CLU: variants seen among roughly 807,000 people sequenced by gnomAD.
CLU encodes the protein clusterin, also known as aging-associated protein 4.
A neutral mutation model predicts 46.4 loss-of-function variants in CLU; 25 were observed. The ratio of observed to expected loss-of-function variants is 0.54; its 90% confidence interval spans 0.39 to 0.75. The LOEUF (loss-of-function observed/expected upper bound fraction) is 0.75. Among genes scored for constraint, CLU ranks in the 30% least tolerant of loss-of-function variants. The pLI, the probability that CLU is intolerant of heterozygous loss-of-function variation, is 0.00. For synonymous variants in CLU, 235 were observed against 235.1 expected (o/e 1.00, Z 0.00); for missense variants, 504 against 592.1 (o/e 0.85, Z 1.54).
Position 27,605,209 on chromosome 8 carries a change from G to T in CLU, c.544C>A (p.Arg182Ser). 6.2e-7 allele frequency: 1 copy of T among 1,614,194 alleles called. No individual in the cohort carries two copies. The highest frequency in any genetic ancestry group is 8.5e-7 in the Non-Finnish European group (1 of 1,180,036). Residue 182 changes from arginine (R) to serine (S), a missense_variant, in exon 5 of 9, where the codon CGC (arginine) becomes AGC (serine). This residue lies in a region of CLU where 428 missense variants were observed against 484.0 expected (regional missense o/e 0.88). Transcript: ENST00000316403. The part of the protein sequence containing the change: ...MLDVMQDHFS[R>S]ASSIIDELFQ... ...AGCTCGTCTATGATGCTGGACGCGC[G>T]GCTGAAGTGGTCCTGCATGACATCC...
At chr8:27,614,322 G>C (rs2128911025) in intron 1 of CLU, 1 of 213,074 alleles carries the variant, frequency 4.7e-6, no homozygotes, top group South Asian at 6.4e-5. Context: ...TCACCTGCTA[G>C]CCTGGGTCTC....
intron 1 of CLU, chr8:27,614,401 C>T: frequency 3.5e-6 from 1 of 283,284 alleles, no homozygotes; most frequent in South Asian, 3.0e-5. Flanking sequence ...TATATCTGTT[C>T]TATTTACCCC....
At chr8:27,604,453 C>T in intron 5 of CLU, 58 bp from the exon 6 acceptor site, 1 of 1,263,398 alleles carries the variant, frequency 7.9e-7, no homozygotes, top group East Asian at 2.3e-5. Flanking sequence ...ATGGACTCCA[C>T]TGATTCCTAT....
rs1348029982 is a variant in CLU at position 27,598,044 on chromosome 8, C to G, written c.*197G>C. ...GAATTAGTTGCATGCAGGAGCAATTCTGTTCTTCCCATGAGCAGCAGAGTC... is the reference window on the plus strand; with the variant it reads ...GAATTAGTTGCATGCAGGAGCAATTGTGTTCTTCCCATGAGCAGCAGAGTC... On this transcript the variant is annotated 3_prime_UTR_variant, in exon 9 of 9. Coordinates refer to ENST00000316403, the MANE Select transcript of CLU (RefSeq NM_001831.4). The G allele has an allele frequency of 1.7e-5, 12 of 705,980 alleles. No homozygotes were observed. Among genetic ancestry groups the G allele is most frequent in the Non-Finnish European group, 2.6e-5 (10 of 383,964 alleles). 43.7% of individuals were successfully genotyped at this position (705,980 alleles called of 1,614,324 possible). A position where few individuals can be genotyped will look rare whatever the true frequency, so the allele number is the denominator to read the frequency against.
chr8:27,611,272 G>A (rs750908320), intron 1 of CLU: 20 of 454,410 alleles, frequency 4.4e-5, no homozygotes, highest in African/African-American at 1.8e-4. Flanking sequence ...GTGGAAGCCA[G>A]GAAGGACAAT....
chr8:27,598,096 G>A lies in CLU; in HGVS notation c.*145C>T, dbSNP rs373114324. 2.4e-5 allele frequency: 18 copies of A among 748,722 alleles called. No individual in the cohort carries two copies. Among genetic ancestry groups the A allele is most frequent in the East Asian group, 8.0e-5 (3 of 37,546 alleles). The allele number at this position is 748,722 out of a possible 1,614,324, so 46.4% of individuals were successfully genotyped here. ...AGTGTTAGAGTGCAGGATCCAGAGC[G>A]GGGAGAGGCTGGGCGGAGTTGGGGG... On this transcript the variant is annotated 3_prime_UTR_variant, in exon 9 of 9. Transcript: ENST00000316403.
intron 8 of CLU, 23 bp downstream of exon 8, chr8:27,598,437 G>A (rs765145104): frequency 8.1e-6 from 13 of 1,613,312 alleles, no homozygotes; most frequent in African/African-American, 2.7e-5. Context: ...CTGCAGGCCC[G>A]CAGGAAAGGC....
chr8:27,608,360 G>A lies in CLU; in HGVS notation c.246+578C>T, dbSNP rs9331900. 1.7e-4 allele frequency among the ~76,000 whole-genome samples: 26 copies of A among 152,334 alleles called. No individual in the cohort carries two copies. In the East Asian group the frequency reaches 2.9e-3, roughly 17 times the overall value. ...TACATCTTAGCATCTGAAGTAGGGC[G>A]ACCGTGAGAGGAGGTTTGTAGGATA... On this transcript the variant is annotated intron_variant, in intron 3 of 8. Transcript: ENST00000316403.
chr8:27,609,186 G>T, intron 2 of CLU, 100 bp from the exon 3 acceptor site: 1 of 1,307,700 alleles, frequency 7.6e-7, no homozygotes, highest in Non-Finnish European at 1.1e-6. Context: ...TCAGTTCAGG[G>T]GCTGTCAAGG....
chr8:27,597,723 A>G lies in CLU; in HGVS notation c.*518T>C, dbSNP rs1183174061. ...TCGACAGTTTTATAATAGAACAGAAAAGCTTCCATTTGCAGCAATATATTT... is the reference window on the plus strand; with the variant it reads ...TCGACAGTTTTATAATAGAACAGAAGAGCTTCCATTTGCAGCAATATATTT... On this transcript the variant is annotated 3_prime_UTR_variant, in exon 9 of 9. Coordinates refer to ENST00000316403, the MANE Select transcript of CLU (RefSeq NM_001831.4). 2.2e-6 allele frequency: 1 copy of G among 454,402 alleles called. No individual in the cohort carries two copies. The highest frequency in any genetic ancestry group is 4.4e-6 in the Non-Finnish European group (1 of 227,042). The allele number at this position is 454,402 out of a possible 1,614,324, so 28.1% of individuals were successfully genotyped here.
chr8:27,601,968 G>A (rs1800729789), intron 6 of CLU, among the ~76,000 whole-genome samples: 1 of 152,160 alleles, frequency 6.6e-6, no homozygotes, highest in Admixed American at 6.5e-5. Context: ...GTGCACGCCT[G>A]TAATCCCAGC....
chr8:27,607,412 A>G (rs4236673), intron 3 of CLU, among the ~76,000 whole-genome samples: 106,007 of 151,292 alleles, frequency 0.7, 38,351 homozygotes, highest in African/African-American at 0.9. Flanking sequence ...AGAAAAAGAT[A>G]CTTAAAAATA....
intron 3 of CLU, among the ~76,000 whole-genome samples, chr8:27,607,493 T>C (rs2128909584): frequency 6.6e-6 from 1 of 151,826 alleles, no homozygotes; most frequent in East Asian, 1.9e-4. Context: ...AAGAGACAGA[T>C]TAAACAAACT....
At chr8:27,607,781 G>A (rs1800848192) in intron 3 of CLU, among the ~76,000 whole-genome samples, 1 of 150,736 alleles carries the variant, frequency 6.6e-6, no homozygotes, top group Non-Finnish European at 1.5e-5. Flanking sequence ...ACACCCCAGA[G>A]TTAGGTGAGG....
Position 27,598,587 on chromosome 8 carries a change from C to T in CLU, c.1213G>A (p.Val405Met). ...TCAGAGTCAAAGAGCTTCACGACCA[C>T]CTCAGTGACACCGGAAGGAACGTCC... ...DSDVPSGVTE[V>M]VVKLFDSDPI... is the part of the protein sequence containing the mutation. Residue 405 changes from valine (V) to methionine (M), a missense_variant, in exon 8 of 9, where the codon GTG becomes ATG. Coordinates refer to ENST00000316403, the MANE Select transcript of CLU (RefSeq NM_001831.4). 1 of 1,614,196 alleles carries T rather than the reference C, an allele frequency of 6.2e-7. No homozygotes were observed.
intron 3 of CLU, among the ~76,000 whole-genome samples, chr8:27,607,011 G>A (rs954055256): frequency 5.9e-5 from 9 of 152,126 alleles, no homozygotes; most frequent in Admixed American, 3.3e-4. Flanking sequence ...ATTCTCTAAC[G>A]GGCCCTTGCC....
At chr8:27,598,404 G>A in intron 8 of CLU, 56 bp downstream of exon 8, 1 of 1,608,472 alleles carries the variant, frequency 6.2e-7, no homozygotes, top group Non-Finnish European at 8.5e-7. Flanking sequence ...GTTTTTTTGT[G>A]GCTCCCAGAG....
intron 2 of CLU, 87 bp from the exon 3 acceptor site, chr8:27,609,173 C>G (rs1017608959): frequency 8.9e-6 from 13 of 1,459,890 alleles, no homozygotes; most frequent in Middle Eastern, 3.4e-4. Flanking sequence ...CAGAAAGGCC[C>G]GTTCAGTTCA....
At position 27,610,466 on chromosome 8, in the gene CLU, T is replaced by C. The variant is rs1800902789; in HGVS notation, c.97+9A>G. 1 of 1,610,180 alleles carries C rather than the reference T, an allele frequency of 6.2e-7. No homozygotes were observed. The highest frequency in any genetic ancestry group is 1.7e-5 in the Admixed American group (1 of 60,004). ...GTGGCCAGAGGAACATCATGCTTGG[T>C]CTACTCACCCTGGAGCTCATTGTCT... On this transcript the variant is annotated intron_variant, in intron 2 of 8. Coordinates refer to ENST00000316403, the MANE Select transcript of CLU (RefSeq NM_001831.4).
Sources: allele counts gnomAD v4.1 joint callset (sites outside exome capture counted in the v4.1 genomes callset), GRCh38; gene constraint gnomAD v4.1.1; regional missense constraint gnomAD v4.1.1; transcripts MANE v1.5; gene names NCBI Gene and HGNC (gene_info 2026-07-23, HGNC 2026-07-21).